CFAP90: variants seen among roughly 807,000 people sequenced by gnomAD.
CFAP90 encodes the protein cilia- and flagella-associated protein 90.
the CFAP90 span, among the ~76,000 whole-genome samples, chr5:7,842,523 A>T: frequency 6.6e-6 from 1 of 151,926 alleles, no homozygotes; most frequent in Non-Finnish European, 1.5e-5. Flanking sequence ...ACTCTCAGGC[A>T]GTCCTCCAAA....
chr5:7,844,068 A>G, the CFAP90 span, among the ~76,000 whole-genome samples: 1 of 152,122 alleles, frequency 6.6e-6, no homozygotes, highest in African/African-American at 2.4e-5. Flanking sequence ...CCTTTCACTC[A>G]TTCCTCTCTC....
chr5:7,833,537 A>G, the CFAP90 span, among the ~76,000 whole-genome samples: 2 of 152,174 alleles, frequency 1.3e-5, no homozygotes, highest in Admixed American at 6.5e-5. Context: ...GCACACATAT[A>G]TACACACAGG....
At chr5:7,840,773 G>A in the CFAP90 span, among the ~76,000 whole-genome samples, 2 of 152,164 alleles carry the variant, frequency 1.3e-5, no homozygotes, top group Non-Finnish European at 2.9e-5. Context: ...TTATGGTGAG[G>A]TCATACTGGA....
chr5:7,844,346 C>T, the CFAP90 span, among the ~76,000 whole-genome samples: 1 of 152,326 alleles, frequency 6.6e-6, no homozygotes, highest in East Asian at 1.9e-4. Context: ...CCAAGTTACT[C>T]TTAAGAAGCA....
At chr5:7,850,630 C>T in the CFAP90 span, among the ~76,000 whole-genome samples, 1 of 147,336 alleles carries the variant, frequency 6.8e-6, no homozygotes, top group Non-Finnish European at 1.5e-5. Context: ...GAGCCCCGCC[C>T]CTAGGCCCCC....
chr5:7,838,683 G>A, the CFAP90 span, among the ~76,000 whole-genome samples: 1 of 152,198 alleles, frequency 6.6e-6, no homozygotes, highest in South Asian at 2.1e-4. Context: ...TCATCTAGGT[G>A]TCCTATTGCC....
the CFAP90 span, among the ~76,000 whole-genome samples, chr5:7,841,340 G>A: frequency 6.6e-5 from 10 of 152,152 alleles, no homozygotes; most frequent in Admixed American, 6.5e-4. Context: ...TGCTGGTGAG[G>A]TTGTGGAGAA....
the CFAP90 span, chr5:7,831,759 G>T: frequency 7.8e-7 from 1 of 1,280,760 alleles, no homozygotes; most frequent in South Asian, 1.4e-5. Flanking sequence ...GTCATGAGAA[G>T]GGGAAAGGAG....
chr5:7,846,892 A>G, the CFAP90 span, among the ~76,000 whole-genome samples: 1 of 152,234 alleles, frequency 6.6e-6, no homozygotes, highest in East Asian at 1.9e-4. Context: ...GACTAGAGGT[A>G]TGGCCACCAC....
the CFAP90 span, among the ~76,000 whole-genome samples, chr5:7,843,658 A>C: frequency 1.3e-5 from 2 of 152,096 alleles, 1 homozygote; most frequent in Non-Finnish European, 2.9e-5. Context: ...CCTCACCCCC[A>C]GCCCAGCAAT....
the CFAP90 span, chr5:7,850,879 G>C: frequency 4.5e-6 from 6 of 1,325,942 alleles, no homozygotes; most frequent in South Asian, 1.4e-4. Context: ...CCTCACCCGC[G>C]CCGGGCGGTA....
chr5:7,831,835 G>A, the CFAP90 span: 1 of 1,601,664 alleles, frequency 6.2e-7, no homozygotes, highest in Non-Finnish European at 8.5e-7. Context: ...ATGCCCTGTG[G>A]GCCACGGGGA....
the CFAP90 span, among the ~76,000 whole-genome samples, chr5:7,840,303 C>T: frequency 6.6e-6 from 1 of 152,152 alleles, no homozygotes; most frequent in Non-Finnish European, 1.5e-5. Context: ...TGCTCTGGTC[C>T]ACAGGCGGCC....
chr5:7,846,244 A>G, the CFAP90 span, among the ~76,000 whole-genome samples: 2 of 152,122 alleles, frequency 1.3e-5, no homozygotes, highest in Non-Finnish European at 2.9e-5. Context: ...ACCCAGGATG[A>G]CTCAGCCTGT....
the CFAP90 span, among the ~76,000 whole-genome samples, chr5:7,835,071 T>C: frequency 1.3e-5 from 2 of 152,232 alleles, no homozygotes; most frequent in Non-Finnish European, 1.5e-5. Flanking sequence ...CCAGTGCATA[T>C]ACAAGTTACG....
the CFAP90 span, among the ~76,000 whole-genome samples, chr5:7,842,417 C>T: frequency 6.6e-6 from 1 of 151,462 alleles, no homozygotes; most frequent in African/African-American, 2.4e-5. Context: ...CCAGAACAAG[C>T]AGAAGATGCA....
chr5:7,835,593 G>T, the CFAP90 span: 2 of 708,964 alleles, frequency 2.8e-6, no homozygotes, highest in Admixed American at 2.4e-5. Flanking sequence ...TCCCAAGGGA[G>T]GCTGGAGGTG....
the CFAP90 span, among the ~76,000 whole-genome samples, chr5:7,846,045 A>G: frequency 6.6e-6 from 1 of 151,950 alleles, no homozygotes; most frequent in Non-Finnish European, 1.5e-5. Context: ...ATCACTAACA[A>G]AGGCAAATCA....
the CFAP90 span, among the ~76,000 whole-genome samples, chr5:7,834,220 C>T: frequency 1.3e-5 from 2 of 151,978 alleles, no homozygotes; most frequent in Non-Finnish European, 2.9e-5. Context: ...AAGTGGAAGG[C>T]AGTGATACTG....
Sources: allele counts gnomAD v4.1 joint callset (sites outside exome capture counted in the v4.1 genomes callset), GRCh38; gene constraint gnomAD v4.1.1; transcripts MANE v1.5; gene names NCBI Gene and HGNC (gene_info 2026-07-23, HGNC 2026-07-21).